Variants in RAPGEF4 observed in about 807,000 individuals in gnomAD.
RAPGEF4 encodes RAP guanine-nucleotide-exchange factor (GEF) 4.
Under a neutral mutation model 147.9 loss-of-function variants are expected in RAPGEF4, and 66 were observed. That is an observed-to-expected ratio of 0.45 (90% CI 0.37 to 0.55). The LOEUF (loss-of-function observed/expected upper bound fraction) is 0.55, where lower values mean the gene tolerates loss of function less well. RAPGEF4 is among the 20% of genes least tolerant of loss of function. The probability of loss-of-function intolerance (pLI) is 0.00; values close to 1 mark genes in which losing one functional copy is unlikely to be tolerated. For missense variants in RAPGEF4, 1,071 were observed against 1,257.3 expected, an observed-to-expected ratio of 0.85 and a Z score of 2.24; for synonymous variants, 419 against 442.7, an observed-to-expected ratio of 0.95 and a Z score of 0.67.
chr2:172,741,827 A>G (rs1694324629), intron 1 of RAPGEF4, among the ~76,000 whole-genome samples: 1 of 152,078 alleles, frequency 6.6e-6, no homozygotes, highest in Non-Finnish European at 1.5e-5. Context: ...GTGTATCTCC[A>G]TGCCTGGCTA....
chr2:172,780,591 C>G (rs750602779), intron 1 of RAPGEF4, among the ~76,000 whole-genome samples: 1 of 151,956 alleles, frequency 6.6e-6, no homozygotes, highest in Non-Finnish European at 1.5e-5. Flanking sequence ...TTTTTTGGTT[C>G]CGCTTCTCAG....
intron 8 of RAPGEF4, among the ~76,000 whole-genome samples, chr2:172,963,676 G>A (rs1559148388): frequency 6.6e-6 from 1 of 152,188 alleles, no homozygotes; most frequent in Non-Finnish European, 1.5e-5. Flanking sequence ...TCAACTGGAA[G>A]CCAGAAGCAT....
intron 4 of RAPGEF4, among the ~76,000 whole-genome samples, chr2:172,893,157 G>A (rs984335539): frequency 1.3e-5 from 2 of 152,162 alleles, no homozygotes; most frequent in African/African-American, 2.4e-5. Flanking sequence ...AGAGTACAAC[G>A]AAGATCCCGT....
chr2:172,886,710 C>CT (rs36113414), intron 4 of RAPGEF4, among the ~76,000 whole-genome samples: 20,456 of 138,860 alleles, frequency 0.15, 1,523 homozygotes, highest in South Asian at 0.24. Context: ...TAGGCAATGC[C>CT]TTTTTTTTTT....
chr2:172,938,504 G>C (rs1274719403), intron 6 of RAPGEF4, among the ~76,000 whole-genome samples: 1 of 152,198 alleles, frequency 6.6e-6, no homozygotes, highest in Non-Finnish European at 1.5e-5. Context: ...ATAGAGCACT[G>C]TGTGCAGTGT....
At position 172,814,323 on chromosome 2, in the gene RAPGEF4, A is replaced by G. The variant is rs1688296849; in HGVS notation, c.342A>G (p.Gly114=). 1 of 1,614,070 alleles carries G rather than the reference A, an allele frequency of 6.2e-7. No homozygotes were observed. The highest frequency in any genetic ancestry group is 1.3e-5 in the African/African-American group (1 of 74,936). Residue 114 remains glycine (G), a synonymous_variant, in exon 4 of 31, where the codon GGA becomes GGG. Transcript: ENST00000397081. ...ICTLGIGTAF[G]ESILDNTPRH... ...CCCTGGGAATTGGGACGGCCTTTGG[A>G]GAGTCCATTCTGGACAACACACCCC...
chr2:172,996,986 T>C (rs141667770), intron 16 of RAPGEF4, among the ~76,000 whole-genome samples: 3 of 152,352 alleles, frequency 2.0e-5, no homozygotes, highest in East Asian at 3.9e-4. Flanking sequence ...CTCTAGAATA[T>C]AACTAAATGC....
At chr2:172,876,276 T>C (rs796143348) in intron 4 of RAPGEF4, among the ~76,000 whole-genome samples, 10 of 152,126 alleles carry the variant, frequency 6.6e-5, no homozygotes, top group South Asian at 4.1e-4. Flanking sequence ...CCAGAACTTC[T>C]AACACTATGT....
At chr2:172,970,219 G>A (rs1236947632) in intron 10 of RAPGEF4, among the ~76,000 whole-genome samples, 3 of 147,732 alleles carry the variant, frequency 2.0e-5, no homozygotes, top group African/African-American at 7.5e-5. Flanking sequence ...AATCTTTGGA[G>A]CTACTACTTT....
chr2:172,935,869 A>T (rs1686508280), intron 6 of RAPGEF4, among the ~76,000 whole-genome samples: 2 of 152,178 alleles, frequency 1.3e-5, no homozygotes, highest in African/African-American at 2.4e-5. Context: ...TATTACAGGA[A>T]TTCTTCCTTT....
At chr2:172,841,311 C>T (rs780211185) in intron 4 of RAPGEF4, among the ~76,000 whole-genome samples, 3 of 152,130 alleles carry the variant, frequency 2.0e-5, no homozygotes, top group East Asian at 3.9e-4. Flanking sequence ...GCCAAGTAAT[C>T]GTTATACATT....
rs187671105 is a variant in RAPGEF4 at position 172,916,720 on chromosome 2, G to C, written c.445-1082G>C. Among the ~76,000 whole-genome samples, 3 of 152,270 alleles carry C rather than the reference G, an allele frequency of 2.0e-5. No individual in the cohort carries two copies. The East Asian group carries it at 5.8e-4, about 29-fold the overall frequency. On this transcript the variant is annotated intron_variant, in intron 4 of 30. Transcript: ENST00000397081. ...CTAGTTACATCTTGACTAGAAGAAG[G>C]CTCTTTTGAGAAAGCATCAATGTCA... is the stretch of plus-strand genomic sequence containing the variant.
At chr2:172,798,398 A>T (rs13036009) in intron 3 of RAPGEF4, among the ~76,000 whole-genome samples, 1 of 152,162 alleles carries the variant, frequency 6.6e-6, no homozygotes, top group Non-Finnish European at 1.5e-5. Flanking sequence ...AATGTACACA[A>T]CCTCACTGTT....
intron 17 of RAPGEF4, among the ~76,000 whole-genome samples, chr2:173,007,735 G>A (rs1032427944): frequency 2.6e-5 from 4 of 152,102 alleles, no homozygotes; most frequent in African/African-American, 9.7e-5. Flanking sequence ...TGTAATTTCA[G>A]AACTTGCATT....
chr2:172,961,451 AGTT>A (rs921302232), intron 8 of RAPGEF4, among the ~76,000 whole-genome samples: 85 of 152,372 alleles, frequency 5.6e-4, no homozygotes, highest in African/African-American at 2.0e-3. Context: ...ATATTGGTTT[AGTT>A]GTGATGAACA....
chr2:172,843,945 G>A (rs571442951), intron 4 of RAPGEF4, among the ~76,000 whole-genome samples: 1 of 152,254 alleles, frequency 6.6e-6, no homozygotes, highest in South Asian at 2.1e-4. Flanking sequence ...TTCTTTTTCT[G>A]GTTGGCTATC....
chr2:172,751,599 G>T (rs147366946), intron 1 of RAPGEF4, among the ~76,000 whole-genome samples: 1,645 of 152,260 alleles, frequency 0.011, 16 homozygotes, highest in South Asian at 0.036. Flanking sequence ...GAGGGGTAGT[G>T]TTATTTTAGA....
chr2:172,935,209 T>G (rs1367247114), intron 6 of RAPGEF4, among the ~76,000 whole-genome samples: 1 of 152,060 alleles, frequency 6.6e-6, no homozygotes, highest in African/African-American at 2.4e-5. Flanking sequence ...AATTGGGGGC[T>G]CACAGTGGAG....
chr2:172,768,810 G>A (rs1574768743), intron 1 of RAPGEF4, among the ~76,000 whole-genome samples: 1 of 152,206 alleles, frequency 6.6e-6, no homozygotes, highest in South Asian at 2.1e-4. Context: ...GCTGCATATT[G>A]TTGTGACAAA....
Sources: allele counts gnomAD v4.1 joint callset (sites outside exome capture counted in the v4.1 genomes callset), GRCh38; gene constraint gnomAD v4.1.1; transcripts MANE v1.5; gene names NCBI Gene and HGNC (gene_info 2026-07-23, HGNC 2026-07-21).